Variants in CYP3A43 observed in about 807,000 individuals in gnomAD.
CYP3A43 encodes the protein cytochrome P450 family 3 subfamily A member 43.
Under a neutral mutation model 58.0 loss-of-function variants are expected in CYP3A43, and 45 were observed. That is an observed-to-expected ratio of 0.78 (90% confidence interval 0.61 to 0.99). The LOEUF is 0.99. Among genes scored for constraint, CYP3A43 ranks in the 50% least tolerant of loss-of-function variants. The pLI, the probability that CYP3A43 is intolerant of heterozygous loss-of-function variation, is 0.00. For synonymous variants in CYP3A43, 191 were observed against 201.4 expected, an observed-to-expected ratio of 0.95 and a Z score of 0.44; for missense variants, 593 against 591.9, an observed-to-expected ratio of 1.00 and a Z score of -0.02.
chr7:99,863,294 T>G (rs1818313789), intron 11 of CYP3A43, among the ~76,000 whole-genome samples: 1 of 152,172 alleles, frequency 6.6e-6, no homozygotes, highest in Non-Finnish European at 1.5e-5. Context: ...CATTATCACT[T>G]TCCTCCATCA....
chr7:99,840,328 T>G (rs1817282022), intron 3 of CYP3A43, among the ~76,000 whole-genome samples: 1 of 152,168 alleles, frequency 6.6e-6, no homozygotes, highest in South Asian at 2.1e-4. Context: ...ACCAGCCCTG[T>G]CATTGAGTTC....
rs1217896085 is a variant in CYP3A43, at chr7:99,848,199, T to G, written c.466T>G (p.Leu156Val). 3 of 1,614,056 alleles carry G rather than the reference T, an allele frequency of 1.9e-6. No individual in the cohort carries two copies. The highest frequency in any genetic ancestry group is 1.7e-6 in the Non-Finnish European group (2 of 1,180,026). Residue 156 changes from leucine (L) to valine (V), a missense_variant, in exon 6 of 13, where the codon TTG becomes GTG. Coordinates refer to ENST00000354829, the MANE Select transcript of CYP3A43 (RefSeq NM_057095.3). ...VPIISQCGDM[L>V]VRSLRQEAEN... Reference sequence around the variant, plus strand: ...CATCATTTCCCAATGTGGAGATATGTTGGTGAGAAGCCTGAGGCAGGAAGC... The same window carrying G: ...CATCATTTCCCAATGTGGAGATATGGTGGTGAGAAGCCTGAGGCAGGAAGC...
Position 99,828,037 on chromosome 7 carries a change from C to T in CYP3A43, c.-79C>T. On this transcript the variant is annotated 5_prime_UTR_variant, in exon 1 of 13. Transcript: ENST00000354829. The stretch of plus-strand genomic sequence containing the variant: ...CACCTCTGGGCAGAGAAACAAAGCT[C>T]TATATGCACAGCCCAGCAAAGAGCA... The T allele has an allele frequency of 8.4e-7, 1 of 1,188,636 alleles. No homozygotes were observed. The highest frequency in any genetic ancestry group is 1.2e-6 in the Non-Finnish European group (1 of 819,856). 73.6% of individuals were successfully genotyped at this position (1,188,636 alleles called of 1,614,324 possible).
rs1817085180 is a variant in CYP3A43, at chr7:99,836,518, T to C, written c.137T>C (p.Phe46Ser). The C allele has an allele frequency of 3.1e-6, 5 of 1,602,350 alleles. No individual in the cohort carries two copies. The highest frequency in any genetic ancestry group is 4.2e-6 in the Non-Finnish European group (5 of 1,177,006). Reference protein sequence around the residue: ...LGIPGPTPLPFLGTILFYLRG... With the variant: ...LGIPGPTPLPSLGTILFYLRG... ...ATTCCTGGGCCAACCCCTCTGCCTT[T>C]TCTGGGAACTATTTTGTTCTACCTT... The change falls in exon 2 of 13, where the codon TTT becomes TCT. Residue 46 changes from phenylalanine (F) to serine (S), a missense_variant. Coordinates refer to ENST00000354829, the MANE Select transcript of CYP3A43 (RefSeq NM_057095.3).
intron 10 of CYP3A43, among the ~76,000 whole-genome samples, chr7:99,860,371 C>G (rs938260922): frequency 9.9e-5 from 15 of 152,174 alleles, no homozygotes; most frequent in African/African-American, 3.6e-4. Flanking sequence ...TGGAACCTGG[C>G]CCTGGGTGCG....
intron 8 of CYP3A43, among the ~76,000 whole-genome samples, chr7:99,856,486 G>A (rs115315335): frequency 0.016 from 2,447 of 152,310 alleles, 51 homozygotes; most frequent in African/African-American, 0.047. Flanking sequence ...AAATAGGATT[G>A]AAATTCAGGA....
intron 10 of CYP3A43, among the ~76,000 whole-genome samples, chr7:99,861,108 A>C (rs1024196657): frequency 1.3e-5 from 2 of 152,182 alleles, no homozygotes; most frequent in African/African-American, 4.8e-5. Flanking sequence ...TCCTGACCTC[A>C]AGTGATCCAC....
chr7:99,861,776 C>T lies in CYP3A43; in HGVS notation c.1190C>T (p.Pro397Leu), dbSNP rs936663540. 1 of 1,614,090 alleles carries T rather than the reference C, an allele frequency of 6.2e-7. No individual in the cohort carries two copies. The highest frequency in any genetic ancestry group is 8.5e-7 in the Non-Finnish European group (1 of 1,179,988). The change falls in exon 11 of 13, where the codon CCA becomes CTA. Residue 397 changes from proline (P) to leucine (L), a missense_variant. Physicochemically the swap from Pro to Leu is moderately conservative, Grantham distance 98. Transcript: ENST00000354829. ...CCCAAAGGGTTAGCAGTGATGGTTCCAATCTATGCTCTTCACCATGACCCA... is the reference window on the plus strand; with the variant it reads ...CCCAAAGGGTTAGCAGTGATGGTTCTAATCTATGCTCTTCACCATGACCCA... ...FIPKGLAVMV[P>L]IYALHHDPKY... is the part of the protein sequence containing the mutation.
At chr7:99,856,942 A>G in intron 9 of CYP3A43, 43 bp downstream of exon 9, 1 of 1,582,314 alleles carries the variant, frequency 6.3e-7, no homozygotes, top group Middle Eastern at 1.7e-4. Context: ...GGGGACACTC[A>G]GAGAGAAGGC....
chr7:99,831,514 C>T (rs1429887156), intron 1 of CYP3A43, among the ~76,000 whole-genome samples: 1 of 152,204 alleles, frequency 6.6e-6, no homozygotes, highest in East Asian at 1.9e-4. Context: ...CTTTGTGGCA[C>T]CAGCAGTTGC....
At chr7:99,847,979 C>T in intron 5 of CYP3A43, 187 bp from the exon 6 acceptor site, 2 of 630,564 alleles carry the variant, frequency 3.2e-6, no homozygotes, top group Non-Finnish European at 5.5e-6. Flanking sequence ...CCGTTGCACT[C>T]CAGCCTGGGC....
chr7:99,849,816 T>C, intron 7 of CYP3A43, 122 bp downstream of exon 7: 1 of 1,050,984 alleles, frequency 9.5e-7, no homozygotes, highest in Admixed American at 2.9e-5. Context: ...TATAATTCAA[T>C]GGTTTTTGGT....
Position 99,841,288 on chromosome 7 carries a change from C to T in CYP3A43, c.218+2116C>T, listed in dbSNP as rs1374216240. 2.0e-5 allele frequency among the ~76,000 whole-genome samples: 3 copies of T among 152,126 alleles called. No individual in the cohort carries two copies. The East Asian group carries it at 5.8e-4, about 29-fold the overall frequency. On this transcript the variant is annotated intron_variant, in intron 3 of 12. Coordinates refer to ENST00000354829, the MANE Select transcript of CYP3A43 (RefSeq NM_057095.3). ...TCCACTAAGTTTTACCAATTCGTGG[C>T]CCCCTCTAATGTTTACTGGAATGCC...
chr7:99,834,930 AT>A (rs1817009521), intron 1 of CYP3A43, among the ~76,000 whole-genome samples: 3 of 152,180 alleles, frequency 2.0e-5, no homozygotes, highest in Non-Finnish European at 4.4e-5. Context: ...CTCCACATAC[AT>A]AGCATGAGGA....
intron 7 of CYP3A43, chr7:99,855,379 G>A: frequency 2.0e-6 from 1 of 501,292 alleles, no homozygotes; most frequent in Non-Finnish European, 3.5e-6. Flanking sequence ...CTGCTATAGT[G>A]GAGGCCCCTA....
chr7:99,864,876 T>A (rs760755413), intron 12 of CYP3A43, among the ~76,000 whole-genome samples: 1 of 148,648 alleles, frequency 6.7e-6, no homozygotes, highest in Non-Finnish European at 1.5e-5. Flanking sequence ...TGAGTCACAT[T>A]AATAGAAAGA....
intron 3 of CYP3A43, among the ~76,000 whole-genome samples, chr7:99,842,822 G>A (rs765197521): frequency 5.9e-5 from 9 of 152,168 alleles, no homozygotes; most frequent in Non-Finnish European, 8.8e-5. Flanking sequence ...GGCGTCCCTC[G>A]TAAGTTTCTC....
chr7:99,847,964 T>C (rs1411781323), intron 5 of CYP3A43: 9 of 596,040 alleles, frequency 1.5e-5, no homozygotes, highest in African/African-American at 3.7e-5. Flanking sequence ...TGAGCCAAGA[T>C]TGCGCCGTTG....
In CYP3A43 at chr7:99,839,939, G is replaced by A. The variant is rs549369650; in HGVS notation, c.218+767G>A. Among the ~76,000 whole-genome samples, 4 of 152,284 alleles carry A rather than the reference G, an allele frequency of 2.6e-5. No homozygotes were observed. The East Asian group carries it at 7.7e-4, about 29-fold the overall frequency. ...TATTATGCAGATGGTTCTCTTCCTG[G>A]CTGGCACCATGTTGCCTGCTTTTTT... is the stretch of plus-strand genomic sequence containing the variant. On this transcript the variant is annotated intron_variant, in intron 3 of 12. Transcript: ENST00000354829.
Sources: allele counts gnomAD v4.1 joint callset (sites outside exome capture counted in the v4.1 genomes callset), GRCh38; gene constraint gnomAD v4.1.1; transcripts MANE v1.5; gene names NCBI Gene and HGNC (gene_info 2026-07-23, HGNC 2026-07-21).